The following CCDC80 variants were observed in gnomAD, a reference collection of about 807,000 sequenced individuals.
The protein encoded by CCDC80 is coiled-coil domain containing 80.
In CCDC80, 49 loss-of-function variants were observed where a neutral mutation model predicts 78.7. That is an observed-to-expected ratio of 0.62 (90% CI 0.50 to 0.79). The LOEUF is 0.79. Among genes scored for constraint, CCDC80 ranks in the 30% least tolerant of loss-of-function variants. The pLI is 0.00. For missense variants in CCDC80, 1,205 were observed against 1,198.6 expected, an observed-to-expected ratio of 1.01 and a Z score of -0.08; for synonymous variants, 488 against 447.0, an observed-to-expected ratio of 1.09 and a Z score of -1.16.
At chr3:112,606,089 ATCTT>A (rs1303032843) in intron 7 of CCDC80, among the ~76,000 whole-genome samples, 3 of 152,372 alleles carry the variant, frequency 2.0e-5, no homozygotes, top group East Asian at 3.9e-4. Context: ...TATATAGTTT[ATCTT>A]TCTAAGTTTA....
chr3:112,635,318 G>A (rs926608820), intron 2 of CCDC80, among the ~76,000 whole-genome samples: 1 of 152,216 alleles, frequency 6.6e-6, no homozygotes, highest in Non-Finnish European at 1.5e-5. Flanking sequence ...ATGTAAACCT[G>A]CTTTCAGTCT....
At chr3:112,613,175 T>C (rs1361350982) in intron 5 of CCDC80, among the ~76,000 whole-genome samples, 6 of 152,190 alleles carry the variant, frequency 3.9e-5, no homozygotes, top group African/African-American at 7.2e-5. Flanking sequence ...GTCACACAGC[T>C]AGTAAATAGA....
Position 112,639,183 on chromosome 3 carries a change from C to A in CCDC80, c.723G>T (p.Thr241=). The A allele has an allele frequency of 6.2e-7, 1 of 1,614,160 alleles. No individual in the cohort carries two copies. Among genetic ancestry groups the A allele is most frequent in the Non-Finnish European group, 8.5e-7 (1 of 1,180,020 alleles). ...ATGGATAGCGCTCCTCCACCTGCAG[C>A]GTCTTCTTCAGCAGCACCATGCCAA... ...GKFGMVLLKK[T]LQVEERYPYP... The change falls in exon 2 of 8, where the codon ACG becomes ACT. Residue 241 remains threonine, a synonymous_variant. Coordinates refer to ENST00000206423, the MANE Select transcript of CCDC80 (RefSeq NM_199511.3).
chr3:112,636,198 C>T (rs937174185), intron 2 of CCDC80, among the ~76,000 whole-genome samples: 1 of 152,090 alleles, frequency 6.6e-6, no homozygotes, highest in African/African-American at 2.4e-5. Context: ...TTTCCCATGC[C>T]CCAGAGAGAG....
In CCDC80 at chr3:112,603,219, G is replaced by T. The variant is rs1935405606; in HGVS notation, c.*2198C>A. On this transcript the variant is annotated 3_prime_UTR_variant, in exon 8 of 8. Transcript: ENST00000206423. ...GAGTCTTACTGCTCAGAAAAAAAAAGAATCTTTTAAAAATATTGCTGTTCG... is the reference window on the plus strand; with the variant it reads ...GAGTCTTACTGCTCAGAAAAAAAAATAATCTTTTAAAAATATTGCTGTTCG... 1 of 151,932 alleles carries T rather than the reference G, an allele frequency of 6.6e-6. No homozygotes were observed. Among genetic ancestry groups the T allele is most frequent in the Non-Finnish European group, 1.5e-5 (1 of 68,002 alleles). 9.4% of individuals were successfully genotyped at this position (151,932 alleles called of 1,614,324 possible).
Position 112,634,140 on chromosome 3 carries a change from T to TTA in CCDC80, c.1879-3872_1879-3871insTA, listed in dbSNP as rs984572624. On this transcript the variant is annotated intron_variant, in intron 2 of 7. Transcript: ENST00000206423. ...ACTGCGTTAGGCTCAAAATGCTAGA[T>TTA]TTTTTTTTACAGGATTCTGAAAAAT... Among the ~76,000 whole-genome samples, 4 of 28,714 alleles carry TTA rather than the reference T, an allele frequency of 1.4e-4. No homozygotes were observed. In the Non-Finnish European group the frequency reaches 1.7e-3, roughly 12 times the overall value. The allele number at this position is 28,714 out of a possible 152,430, so 18.8% of individuals were successfully genotyped here. A position where few individuals can be genotyped will look rare whatever the true frequency, so the allele number is the denominator to read the frequency against.
chr3:112,608,688 G>A (rs1576779577), intron 6 of CCDC80, among the ~76,000 whole-genome samples: 1 of 152,136 alleles, frequency 6.6e-6, no homozygotes, highest in South Asian at 2.1e-4. Context: ...CCACATTGGT[G>A]GCTATAAATA....
chr3:112,638,823 C>T lies in CCDC80; in HGVS notation c.1083G>A (p.Val361=), dbSNP rs1244093873. 6.2e-7 allele frequency: 1 copy of T among 1,613,744 alleles called. No individual in the cohort carries two copies. The highest frequency in any genetic ancestry group is 8.5e-7 in the Non-Finnish European group (1 of 1,179,980). ...TTLPPAPATT[V]TRSTSRAVTV... ...TTACCGCCCGGGACGTGGACCGAGT[C>T]ACTGTTGTGGCTGGGGCAGGAGGAA... Residue 361 remains valine (V), a synonymous_variant, in exon 2 of 8, where the codon GTG becomes GTA. Coordinates refer to ENST00000206423, the MANE Select transcript of CCDC80 (RefSeq NM_199511.3).
rs970464706 is a variant in CCDC80 at position 112,626,846 on chromosome 3, C to T, written c.2035+3267G>A. Among the ~76,000 whole-genome samples the T allele has an allele frequency of 5.3e-5, 8 of 152,260 alleles. No individual in the cohort carries two copies. In the South Asian group the frequency reaches 6.2e-4, roughly 12 times the overall value. On this transcript the variant is annotated intron_variant, in intron 3 of 7. Coordinates refer to ENST00000206423, the MANE Select transcript of CCDC80 (RefSeq NM_199511.3). The stretch of plus-strand genomic sequence containing the variant: ...TACAAGCATGAGCCACTGCACCTGG[C>T]GTACCATTCTCATTTTAAAAATTGA...
At chr3:112,616,442 A>G (rs75204826) in intron 5 of CCDC80, among the ~76,000 whole-genome samples, 5 of 90,572 alleles carry the variant, frequency 5.5e-5, no homozygotes, top group South Asian at 4.0e-4. Context: ...GAGAAAAAAA[A>G]AGAAAAGAAA....
At chr3:112,621,391 C>A (rs1226950612) in intron 3 of CCDC80, among the ~76,000 whole-genome samples, 1 of 152,148 alleles carries the variant, frequency 6.6e-6, no homozygotes, top group East Asian at 1.9e-4. Flanking sequence ...GCCCACTGAC[C>A]CCCAGCATGC....
intron 5 of CCDC80, among the ~76,000 whole-genome samples, chr3:112,613,826 A>C (rs902092891): frequency 6.6e-6 from 1 of 151,830 alleles, no homozygotes; most frequent in African/African-American, 2.4e-5. Flanking sequence ...CCAAAGAATC[A>C]AAATTATAGT....
At chr3:112,607,063 G>T in intron 7 of CCDC80, 113 bp downstream of exon 7, 1 of 705,328 alleles carries the variant, frequency 1.4e-6, no homozygotes, top group South Asian at 2.0e-5. Flanking sequence ...GTGGGAGGAG[G>T]ATTCAATGAA....
At chr3:112,618,701 T>C (rs1935802271) in intron 4 of CCDC80, among the ~76,000 whole-genome samples, 1 of 152,208 alleles carries the variant, frequency 6.6e-6, no homozygotes, top group Non-Finnish European at 1.5e-5. Flanking sequence ...TAGTGTCTTA[T>C]GAATGTAAAA....
chr3:112,632,556 G>C (rs1936118744), intron 2 of CCDC80, among the ~76,000 whole-genome samples: 1 of 152,068 alleles, frequency 6.6e-6, no homozygotes, highest in African/African-American at 2.4e-5. Context: ...AGGATTTTAA[G>C]AGTCCTCAAC....
At chr3:112,612,884 T>C (rs911564073) in intron 5 of CCDC80, among the ~76,000 whole-genome samples, 3 of 140,328 alleles carry the variant, frequency 2.1e-5, no homozygotes, top group Non-Finnish European at 4.7e-5. Flanking sequence ...TTTTTTTTTT[T>C]CATTTCTCTT....
rs772313881 is a variant in CCDC80 at position 112,638,502 on chromosome 3, C to T, written c.1404G>A (p.Met468Ile). 3.1e-6 allele frequency: 5 copies of T among 1,612,700 alleles called. No individual in the cohort carries two copies. The highest frequency in any genetic ancestry group is 3.4e-6 in the Non-Finnish European group (4 of 1,179,668). ...AGPGRFRDNR[M>I]DRREHGHRDP... The stretch of plus-strand genomic sequence containing the variant: ...CTCGGTGGCCATGTTCCCGCCTGTC[C>T]ATGCGGTTGTCCCGGAAACGGCCTG... Residue 468 changes from methionine (M) to isoleucine (I), a missense_variant, in exon 2 of 8, where the codon ATG becomes ATA. Met to Ile is a conservative substitution (Grantham distance 10). Transcript: ENST00000206423.
intron 5 of CCDC80, among the ~76,000 whole-genome samples, chr3:112,612,420 T>G (rs1328709593): frequency 6.6e-6 from 1 of 152,150 alleles, no homozygotes; most frequent in Non-Finnish European, 1.5e-5. Context: ...AGACTCCCTG[T>G]CCCAGACACA....
chr3:112,633,750 A>C (rs141102028), intron 2 of CCDC80, among the ~76,000 whole-genome samples: 78 of 152,198 alleles, frequency 5.1e-4, no homozygotes, highest in African/African-American at 1.8e-3. Flanking sequence ...AACCCATTTC[A>C]GGGACTCTTT....
Sources: allele counts gnomAD v4.1 joint callset (sites outside exome capture counted in the v4.1 genomes callset), GRCh38; gene constraint gnomAD v4.1.1; transcripts MANE v1.5; gene names NCBI Gene and HGNC (gene_info 2026-07-23, HGNC 2026-07-21).